AMDHD1: variants seen among roughly 807,000 people sequenced by gnomAD.
The protein encoded by AMDHD1 is amidohydrolase domain containing 1.
Under a neutral mutation model 44.1 loss-of-function variants are expected in AMDHD1, and 45 were observed. That is an observed-to-expected ratio of 1.02 (90% confidence interval 0.80 to 1.31). AMDHD1 has a LOEUF of 1.31. Ranked by LOEUF, AMDHD1 falls within the 50% of genes most tolerant of loss-of-function variation. AMDHD1 has a pLI of 0.00. For synonymous variants in AMDHD1, 206 were observed against 205.0 expected (o/e 1.00, Z -0.04); for missense variants, 586 against 552.1 (o/e 1.06, Z -0.61).
intron 1 of AMDHD1, 93 bp from the exon 2 acceptor site, chr12:95,952,624 C>A: frequency 1.2e-6 from 1 of 820,704 alleles, no homozygotes; most frequent in Non-Finnish European, 2.0e-6. Context: ...GACTAATTAA[C>A]ACCAAAGAAT....
At position 95,956,961 on chromosome 12, in the gene AMDHD1, A is replaced by G. The variant is rs1020642039; in HGVS notation, c.586A>G (p.Lys196Glu). ...ATYCGAHSVPKGKTATEAADD... is the reference protein window; with the variant it reads ...ATYCGAHSVPEGKTATEAADD... ...CTACTGCGGGGCTCATTCAGTGCCT[A>G]AGTAATCTCAGCCAGTGGGGGCCCG... The change falls in exon 4 of 9, where the codon AAA becomes GAA. Residue 196 changes from lysine (K) to glutamate (E), a missense_variant and splice_region_variant. Coordinates refer to ENST00000266736, the MANE Select transcript of AMDHD1 (RefSeq NM_152435.3). 3 of 1,611,908 alleles carry G rather than the reference A, an allele frequency of 1.9e-6. No individual in the cohort carries two copies. Among genetic ancestry groups the G allele is most frequent in the Non-Finnish European group, 2.5e-6 (3 of 1,179,706 alleles).
chr12:95,955,643 C>T (rs968665711), intron 3 of AMDHD1, among the ~76,000 whole-genome samples: 4 of 152,254 alleles, frequency 2.6e-5, no homozygotes, highest in Non-Finnish European at 4.4e-5. Context: ...ATTGTATAGA[C>T]GGAGAAAGAG....
intron 1 of AMDHD1, among the ~76,000 whole-genome samples, chr12:95,950,539 C>T (rs2080521361): frequency 6.6e-6 from 1 of 152,174 alleles, no homozygotes; most frequent in South Asian, 2.1e-4. Context: ...GTGGCTGAAA[C>T]AAGATGGAAG....
chr12:95,966,224 T>G (rs2080609410), intron 7 of AMDHD1, 124 bp from the exon 8 acceptor site: 1 of 1,072,752 alleles, frequency 9.3e-7, no homozygotes, highest in African/African-American at 1.6e-5. Flanking sequence ...TTTTTCCCAT[T>G]GCAACTGAGC....
chr12:95,956,092 A>T (rs1240706106), intron 3 of AMDHD1, among the ~76,000 whole-genome samples: 1 of 150,960 alleles, frequency 6.6e-6, no homozygotes, highest in Admixed American at 6.6e-5. Context: ...CTCCTGTGCC[A>T]GTTTTGTTTT....
intron 1 of AMDHD1, among the ~76,000 whole-genome samples, chr12:95,950,983 G>A (rs1490164356): frequency 6.6e-6 from 1 of 152,088 alleles, no homozygotes; most frequent in Non-Finnish European, 1.5e-5. Context: ...TATATATGGG[G>A]TACATGAGTT....
Position 95,968,090 on chromosome 12 carries a change from G to T in AMDHD1, c.*247G>T. ...AACATCCAATTAGTTCACAAATATTGGTTACAAATATTCTGTAGATTAATA... is the reference window on the plus strand; with the variant it reads ...AACATCCAATTAGTTCACAAATATTTGTTACAAATATTCTGTAGATTAATA... On this transcript the variant is annotated 3_prime_UTR_variant, in exon 9 of 9. Transcript: ENST00000266736. 3.7e-6 allele frequency: 1 copy of T among 272,834 alleles called. No individual in the cohort carries two copies. Among genetic ancestry groups the T allele is most frequent in the South Asian group, 7.4e-5 (1 of 13,452 alleles). 16.9% of individuals were successfully genotyped at this position (272,834 alleles called of 1,614,324 possible).
chr12:95,967,157 G>T (rs371244574), intron 8 of AMDHD1, among the ~76,000 whole-genome samples: 2 of 152,330 alleles, frequency 1.3e-5, no homozygotes, highest in East Asian at 3.9e-4. Context: ...TCAAGAGAGC[G>T]TGTGCAGGGG....
At chr12:95,944,286 G>A (rs1447772985) in intron 1 of AMDHD1, among the ~76,000 whole-genome samples, 1 of 152,122 alleles carries the variant, frequency 6.6e-6, no homozygotes, top group Non-Finnish European at 1.5e-5. Context: ...GTTTAGGGTT[G>A]TGCAAGAGCC....
intron 1 of AMDHD1, among the ~76,000 whole-genome samples, chr12:95,949,598 C>G (rs2080517695): frequency 1.3e-5 from 2 of 152,168 alleles, no homozygotes; most frequent in African/African-American, 2.4e-5. Flanking sequence ...CAAACCCCAT[C>G]ATTAGGTGAA....
At chr12:95,954,437 G>A (rs905580559) in intron 2 of AMDHD1, among the ~76,000 whole-genome samples, 2 of 151,966 alleles carry the variant, frequency 1.3e-5, no homozygotes, top group African/African-American at 2.4e-5. Context: ...GTGTGGTGGT[G>A]CATGACTATA....
intron 1 of AMDHD1, 103 bp downstream of exon 1, chr12:95,943,638 T>A (rs2080477302): frequency 1.5e-6 from 2 of 1,341,972 alleles, no homozygotes; most frequent in East Asian, 3.1e-5. Context: ...AAAGCGTCCC[T>A]GCACAGAGAT....
At chr12:95,965,956 C>A (rs2080608066) in intron 7 of AMDHD1, among the ~76,000 whole-genome samples, 177 bp downstream of exon 7, 1 of 152,156 alleles carries the variant, frequency 6.6e-6, no homozygotes, top group Non-Finnish European at 1.5e-5. Context: ...CACATAAATG[C>A]CTGCAGGCAT....
At chr12:95,953,562 G>C (rs1285578207) in intron 2 of AMDHD1, among the ~76,000 whole-genome samples, 21 of 152,032 alleles carry the variant, frequency 1.4e-4, no homozygotes, top group Admixed American at 1.4e-3. Flanking sequence ...ACATCTGACA[G>C]AGCTTCTAAC....
At chr12:95,947,639 C>T (rs1462783045) in intron 1 of AMDHD1, among the ~76,000 whole-genome samples, 2 of 64,064 alleles carry the variant, frequency 3.1e-5, no homozygotes, top group Non-Finnish European at 5.7e-5. Flanking sequence ...GTCAGCCCCC[C>T]GCCCGGCCAG....
intron 4 of AMDHD1, among the ~76,000 whole-genome samples, chr12:95,957,233 A>G (rs943059039): frequency 6.6e-6 from 1 of 151,872 alleles, no homozygotes; most frequent in African/African-American, 2.4e-5. Context: ...GTCGTTTAAA[A>G]TTACACATAT....
chr12:95,954,949 G>A lies in AMDHD1; in HGVS notation c.283G>A (p.Glu95Lys). The A allele has an allele frequency of 6.2e-7, 1 of 1,614,178 alleles. No individual in the cohort carries two copies. The highest frequency in any genetic ancestry group is 8.5e-7 in the Non-Finnish European group (1 of 1,180,014). The change falls in exon 3 of 9, where the codon GAA (glutamate) becomes AAA (lysine). Residue 95 changes from glutamate (E) to lysine (K), a missense_variant. Transcript: ENST00000266736. The stretch of plus-strand genomic sequence containing the variant: ...ACACACACATCCAGTATGGGCTGGT[G>A]AAAGAGTTCACGAATTTGCAATGAA... ...DAHTHPVWAG[E>K]RVHEFAMKLA...
At chr12:95,956,108 G>GT (rs200109622) in intron 3 of AMDHD1, among the ~76,000 whole-genome samples, 17 of 78,570 alleles carry the variant, frequency 2.2e-4, no homozygotes, top group South Asian at 3.7e-4. Context: ...GTTTTGTTTT[G>GT]TTTGTTTGTT....
intron 1 of AMDHD1, among the ~76,000 whole-genome samples, chr12:95,943,939 G>A (rs1028199061): frequency 6.6e-6 from 1 of 152,042 alleles, no homozygotes; most frequent in Non-Finnish European, 1.5e-5. Flanking sequence ...TAGAATTTTA[G>A]AATCAGCATC....
Sources: allele counts gnomAD v4.1 joint callset (sites outside exome capture counted in the v4.1 genomes callset), GRCh38; gene constraint gnomAD v4.1.1; transcripts MANE v1.5; gene names NCBI Gene and HGNC (gene_info 2026-07-23, HGNC 2026-07-21).